The following SMURF1 variants were observed in gnomAD, a reference collection of about 807,000 sequenced individuals.
SMURF1 encodes SMAD specific E3 ubiquitin protein ligase 1, also known as E3 ubiquitin-protein ligase SMURF1.
In SMURF1, 44 loss-of-function variants were observed where a neutral mutation model predicts 98.0. That is an observed-to-expected ratio of 0.45 (90% confidence interval 0.35 to 0.58). The LOEUF (loss-of-function observed/expected upper bound fraction) is 0.58. Among genes scored for constraint, SMURF1 ranks in the 20% least tolerant of loss-of-function variants. The pLI is 0.00. For synonymous variants in SMURF1, 396 were observed against 374.9 expected (o/e 1.06, Z -0.65); for missense variants, 687 against 938.4 (o/e 0.73, Z 3.50).
chr7:99,057,080 C>T, intron 5 of SMURF1, 125 bp downstream of exon 5: 1 of 863,590 alleles, frequency 1.2e-6, no homozygotes. Context: ...AGAGAAGGCC[C>T]CGTACGTGGT....
intron 1 of SMURF1, among the ~76,000 whole-genome samples, chr7:99,112,247 A>C (rs1214602960): frequency 6.6e-6 from 1 of 152,208 alleles, no homozygotes; most frequent in East Asian, 1.9e-4. Context: ...GTAAAAACTA[A>C]GACAGAGTTG....
At chr7:99,037,246 G>GA in intron 14 of SMURF1, 59 bp from the exon 15 acceptor site, 1 of 1,605,710 alleles carries the variant, frequency 6.2e-7, no homozygotes, top group Non-Finnish European at 8.5e-7. Context: ...CCATGGGCAG[G>GA]TTTTTTTTGG....
intron 1 of SMURF1, among the ~76,000 whole-genome samples, chr7:99,078,501 C>T (rs958379038): frequency 6.6e-6 from 1 of 151,876 alleles, no homozygotes; most frequent in Non-Finnish European, 1.5e-5. Flanking sequence ...GGGTCCTCAA[C>T]CCCCCCTCCC....
rs150839559 is a variant in SMURF1 at position 99,101,812 on chromosome 7, C to T, written c.56-39975G>A. 8.2e-3 allele frequency among the ~76,000 whole-genome samples: 1,245 copies of T among 151,944 alleles called. 12 individuals carry two copies. Among genetic ancestry groups the T allele is most frequent in the African/African-American group, 0.026 (1,061 of 41,442 alleles). On this transcript the variant is annotated intron_variant, in intron 1 of 17. Transcript: ENST00000361368. ...AAAATTAGCCAGGCGTGGTGGTGTG[C>T]GCCTGTAAGCTATTGGGAAGGCTGA...
chr7:99,107,114 C>T (rs747217845), intron 1 of SMURF1, among the ~76,000 whole-genome samples: 9 of 152,180 alleles, frequency 5.9e-5, no homozygotes, highest in East Asian at 5.8e-4. Flanking sequence ...GCATAGCAGA[C>T]GTAGAGAGTT....
chr7:99,077,624 G>A (rs576847622), intron 1 of SMURF1, among the ~76,000 whole-genome samples: 20 of 152,200 alleles, frequency 1.3e-4, no homozygotes, highest in Non-Finnish European at 2.2e-4. Context: ...GAGCCACTGC[G>A]CCTGGCCTCT....
chr7:99,139,989 A>G (rs897999075), intron 1 of SMURF1, among the ~76,000 whole-genome samples: 3 of 152,206 alleles, frequency 2.0e-5, no homozygotes, highest in Non-Finnish European at 2.9e-5. Flanking sequence ...TCTGAATATC[A>G]GGATTAAGAA....
At chr7:99,130,349 A>G (rs1354997658) in intron 1 of SMURF1, among the ~76,000 whole-genome samples, 1 of 152,216 alleles carries the variant, frequency 6.6e-6, no homozygotes, top group East Asian at 1.9e-4. Context: ...GCTACTTGGG[A>G]GGCTGAGGCA....
intron 3 of SMURF1, among the ~76,000 whole-genome samples, chr7:99,058,654 A>G (rs1795945505): frequency 6.6e-6 from 1 of 152,246 alleles, no homozygotes; most frequent in Non-Finnish European, 1.5e-5. Context: ...AGTGTCACTG[A>G]AACTGAATCT....
chr7:99,042,777 C>G (rs1377713564), intron 11 of SMURF1, among the ~76,000 whole-genome samples: 1 of 152,196 alleles, frequency 6.6e-6, no homozygotes, highest in Non-Finnish European at 1.5e-5. Flanking sequence ...TCATTCTGCT[C>G]AAAACTCCTT....
At chr7:99,059,417 T>TAAAATAAAATAAAATAAAATAAAA (rs1795974881) in intron 3 of SMURF1, among the ~76,000 whole-genome samples, 1 of 36,666 alleles carries the variant, frequency 2.7e-5, no homozygotes, top group African/African-American at 1.1e-4. Context: ...TAAAATAAAA[T>TAAAATAAAATAAAATAAAATAAAA]AAAATAAAAT....
intron 1 of SMURF1, among the ~76,000 whole-genome samples, chr7:99,094,897 AC>A (rs754140424): frequency 8.3e-4 from 127 of 152,210 alleles, no homozygotes; most frequent in Non-Finnish European, 1.6e-3. Flanking sequence ...CAGCGCACCC[AC>A]AGCCAGCCAG....
chr7:99,057,337 A>G, intron 4 of SMURF1, 67 bp from the exon 5 acceptor site: 1 of 1,613,310 alleles, frequency 6.2e-7, no homozygotes, highest in Non-Finnish European at 8.5e-7. Context: ...GGAATTCAGT[A>G]TTCAGCGATC....
intron 12 of SMURF1, among the ~76,000 whole-genome samples, chr7:99,041,450 C>G (rs752983758): frequency 9.2e-5 from 14 of 152,168 alleles, no homozygotes; most frequent in Non-Finnish European, 1.3e-4. Flanking sequence ...CTGGTCTTAA[C>G]TCAGGAACCA....
chr7:99,119,878 T>C (rs1157478625), intron 1 of SMURF1, among the ~76,000 whole-genome samples: 1 of 152,240 alleles, frequency 6.6e-6, no homozygotes, highest in Non-Finnish European at 1.5e-5. Context: ...ACTCTGAAGA[T>C]CTTCCAACTG....
At chr7:99,120,481 A>G (rs1032268277) in intron 1 of SMURF1, among the ~76,000 whole-genome samples, 22 of 152,128 alleles carry the variant, frequency 1.4e-4, no homozygotes, top group Admixed American at 9.8e-4. Context: ...CACTTCCATC[A>G]GATTACCACC....
At chr7:99,059,315 G>A (rs1371603815) in intron 3 of SMURF1, among the ~76,000 whole-genome samples, 2 of 142,360 alleles carry the variant, frequency 1.4e-5, no homozygotes, top group African/African-American at 2.6e-5. Context: ...GGAGAATGGC[G>A]TGAACCCGGG....
chr7:99,096,545 G>A (rs1268560271), intron 1 of SMURF1, among the ~76,000 whole-genome samples: 3 of 152,148 alleles, frequency 2.0e-5, no homozygotes, highest in Non-Finnish European at 2.9e-5. Context: ...CAACTTCAGA[G>A]AAAGAAAAGT....
chr7:99,113,837 TAAAAAAAAA>T (rs71118659), intron 1 of SMURF1, among the ~76,000 whole-genome samples: 21 of 33,950 alleles, frequency 6.2e-4, no homozygotes, highest in African/African-American at 2.5e-3. Context: ...AGACTCCGTC[TAAAAAAAAA>T]AAAAAAAAAA....
Sources: gnomAD v4.1 joint callset for allele counts (sites outside exome capture counted in the v4.1 genomes callset) on GRCh38, gnomAD v4.1.1 for gene constraint, MANE v1.5 for transcripts, NCBI Gene and HGNC (gene_info 2026-07-23, HGNC 2026-07-21) for gene names.